DNM1: variants seen among roughly 807,000 people sequenced by gnomAD.
DNM1 encodes dynamin 1, also known as dynamin-1.
DNM1 carries 29 observed loss-of-function variants against 104.6 expected under a neutral mutation model. The ratio of observed to expected loss-of-function variants is 0.28; its 90% CI spans 0.21 to 0.38. The LOEUF (loss-of-function observed/expected upper bound fraction) is 0.38, where lower values mean the gene tolerates loss of function less well. Ranked by LOEUF, DNM1 falls within the 10% of genes least tolerant of loss-of-function variation. The pLI, the probability that DNM1 is intolerant of heterozygous loss-of-function variation, is 1.00. For synonymous variants in DNM1, 445 were observed against 475.8 expected (o/e 0.94, Z 0.84); for missense variants, 640 against 1,189.4 (o/e 0.54, Z 6.79).
Position 128,253,829 on chromosome 9 carries a change from C to A in DNM1, c.2535-825C>A. On this transcript the variant is annotated intron_variant, in intron 21 of 21. Transcript: ENST00000372923. The surrounding 1 kb of genome is among the most constrained non-coding windows in gnomAD (Gnocchi z 5.9). Reference sequence around the variant, plus strand: ...TGTGACTGAAGGCAGTGTCCCTGGCCCCAGCTGAAGCACCGTAGCCAGCCA... The same window carrying A: ...TGTGACTGAAGGCAGTGTCCCTGGCACCAGCTGAAGCACCGTAGCCAGCCA... 1.1e-6 allele frequency: 1 copy of A among 942,772 alleles called. No individual in the cohort carries two copies. The highest frequency in any genetic ancestry group is 1.4e-6 in the Non-Finnish European group (1 of 726,128). 58.4% of individuals were successfully genotyped at this position (942,772 alleles called of 1,614,324 possible).
In DNM1 at chr9:128,253,826, G is replaced by A. The variant is rs1193909239; in HGVS notation, c.2535-828G>A. ...TAGTGTGACTGAAGGCAGTGTCCCTGGCCCCAGCTGAAGCACCGTAGCCAG... is the reference window on the plus strand; with the variant it reads ...TAGTGTGACTGAAGGCAGTGTCCCTAGCCCCAGCTGAAGCACCGTAGCCAG... On this transcript the variant is annotated intron_variant, in intron 21 of 21. Coordinates refer to ENST00000372923, the MANE Select transcript of DNM1 (RefSeq NM_004408.4). The surrounding 1 kb of genome is among the most constrained non-coding windows in gnomAD (Gnocchi z 5.9). 6 of 882,324 alleles carry A rather than the reference G, an allele frequency of 6.8e-6. No homozygotes were observed. In the East Asian group the frequency reaches 2.0e-4, roughly 30 times the overall value. The allele number at this position is 882,324 out of a possible 1,614,324, so 54.7% of individuals were successfully genotyped here.
At position 128,218,993 on chromosome 9, in the gene DNM1, C is replaced by A; in HGVS notation, c.386-56C>A. ...TCTCTAACCCCGCCCTATTCTTTAA[C>A]CTCGCCCGCGGCCACGCCCCTCGCC... is the stretch of plus-strand genomic sequence containing the variant. On this transcript the variant is annotated intron_variant, in intron 3 of 21. Transcript: ENST00000372923. This position sits in a 1 kb window ranked among gnomAD's most constrained non-coding sequence, Gnocchi z 4.8. The A allele has an allele frequency of 6.3e-7, 1 of 1,593,704 alleles. No homozygotes were observed. Among genetic ancestry groups the A allele is most frequent in the Non-Finnish European group, 8.6e-7 (1 of 1,166,372 alleles).
intron 1 of DNM1, among the ~76,000 whole-genome samples, chr9:128,210,583 G>A (rs894592830): frequency 4.6e-5 from 7 of 152,050 alleles, no homozygotes; most frequent in East Asian, 1.9e-4. Context: ...GGCTGGTCTC[G>A]AATTCCTGAC....
Position 128,245,878 on chromosome 9 carries a change from C to CA in DNM1, c.1672-515dup, listed in dbSNP as rs1836770821. On this transcript the variant is annotated intron_variant, in intron 15 of 21. Coordinates refer to ENST00000372923, the MANE Select transcript of DNM1 (RefSeq NM_004408.4). The surrounding 1 kb of genome is among the most constrained non-coding windows in gnomAD (Gnocchi z 5.2). ...ATGTGTTGGCACAAACACACAACTA[C>CA]ACACATGTTGCACACACAGGCACAC... 6.6e-6 allele frequency among the ~76,000 whole-genome samples: 1 copy of CA among 152,242 alleles called. No individual in the cohort carries two copies. The highest frequency in any genetic ancestry group is 6.5e-5 in the Admixed American group (1 of 15,288).
chr9:128,217,816 C>A (rs535232587), intron 1 of DNM1, among the ~76,000 whole-genome samples: 28 of 152,278 alleles, frequency 1.8e-4, no homozygotes, highest in African/African-American at 6.7e-4. Flanking sequence ...TGCCCCACAG[C>A]GGAAGGGAGG....
chr9:128,220,563 G>T lies in DNM1; in HGVS notation c.849+222G>T, dbSNP rs1834878828. Among the ~76,000 whole-genome samples the T allele has an allele frequency of 6.6e-6, 1 of 152,164 alleles. No homozygotes were observed. Among genetic ancestry groups the T allele is most frequent in the South Asian group, 2.1e-4 (1 of 4,828 alleles). ...GGGACCTGCCAGGGAAGCCCTGGAA[G>T]TCCCCAACACAGAGAAGGCCAAGAC... is the stretch of plus-strand genomic sequence containing the variant. On this transcript the variant is annotated intron_variant, in intron 6 of 21. Coordinates refer to ENST00000372923, the MANE Select transcript of DNM1 (RefSeq NM_004408.4). This position sits in a 1 kb window ranked among gnomAD's most constrained non-coding sequence, Gnocchi z 5.2.
chr9:128,244,142 A>AG (rs33959475), intron 15 of DNM1, among the ~76,000 whole-genome samples: 1 of 147,046 alleles, frequency 6.8e-6, no homozygotes, highest in African/African-American at 2.5e-5. Context: ...GTGTGTGGGG[A>AG]GGGGGCTCTA....
At chr9:128,229,204 C>T (rs1440302429) in intron 10 of DNM1, among the ~76,000 whole-genome samples, 4 of 151,796 alleles carry the variant, frequency 2.6e-5, no homozygotes, top group Non-Finnish European at 4.4e-5. Flanking sequence ...CCAGCCTGGG[C>T]AACATAGCAA....
intron 10 of DNM1, chr9:128,225,928 G>T: frequency 1.1e-6 from 1 of 942,642 alleles, no homozygotes; most frequent in African/African-American, 1.6e-5. Context: ...CCGTGCCCGT[G>T]CCATCCTCTC....
intron 1 of DNM1, among the ~76,000 whole-genome samples, chr9:128,210,397 G>A (rs900199583): frequency 4.5e-5 from 6 of 133,662 alleles, no homozygotes; most frequent in African/African-American, 1.1e-4. Flanking sequence ...GGTCTTGCTC[G>A]GTCACCCAGG....
chr9:128,207,923 C>T (rs1187172199), intron 1 of DNM1, among the ~76,000 whole-genome samples: 4 of 151,940 alleles, frequency 2.6e-5, no homozygotes, highest in Non-Finnish European at 5.9e-5. Context: ...TCCTGAGGAG[C>T]GACCCTCTGC....
At chr9:128,205,680 CCA>C (rs1833905018) in intron 1 of DNM1, among the ~76,000 whole-genome samples, 1 of 152,204 alleles carries the variant, frequency 6.6e-6, no homozygotes, top group Non-Finnish European at 1.5e-5. Context: ...ACTGTGGGCT[CCA>C]CCGAGTTCAT....
In DNM1 at chr9:128,218,104, G is replaced by A. The variant is rs1020040151; in HGVS notation, c.162-127G>A. 2.0e-5 allele frequency: 17 copies of A among 867,854 alleles called. 1 individual carries two copies. The highest frequency in any genetic ancestry group is 1.5e-4 in the South Asian group (11 of 74,378). 53.8% of individuals were successfully genotyped at this position (867,854 alleles called of 1,614,324 possible). A position where few individuals can be genotyped will look rare whatever the true frequency, so the allele number is the denominator to read the frequency against. ...TGCTCTTAGTTACCTGAAGCCCCTG[G>A]GCTAAGGAGCGGTGGAGCCAGCACT... On this transcript the variant is annotated intron_variant, in intron 1 of 21. Coordinates refer to ENST00000372923, the MANE Select transcript of DNM1 (RefSeq NM_004408.4). The surrounding 1 kb of genome is among the most constrained non-coding windows in gnomAD (Gnocchi z 4.8).
chr9:128,253,312 T>G lies in DNM1; in HGVS notation c.2535-1342T>G. 5.2e-5 allele frequency: 32 copies of G among 620,088 alleles called. No homozygotes were observed. Among genetic ancestry groups the G allele is most frequent in the Non-Finnish European group, 6.3e-5 (22 of 350,464 alleles). 38.4% of individuals were successfully genotyped at this position (620,088 alleles called of 1,614,324 possible). On this transcript the variant is annotated intron_variant, in intron 21 of 21. Transcript: ENST00000372923. This position sits in a 1 kb window ranked among gnomAD's most constrained non-coding sequence, Gnocchi z 5.9. The stretch of plus-strand genomic sequence containing the variant: ...TGTGCCGCTGGCTCTCTCACCTCCC[T>G]TCCCTGCGAGCCTCGGGACTCAGTG...
intron 20 of DNM1, 41 bp downstream of exon 20, chr9:128,250,397 C>T (rs780207050): frequency 1.3e-5 from 20 of 1,520,106 alleles, no homozygotes; most frequent in Middle Eastern, 4.4e-4. Flanking sequence ...CCCCCCAGCC[C>T]GGGGCCCGCG....
Position 128,222,290 on chromosome 9 carries a change from A to G in DNM1, c.943A>G (p.Lys315Glu), listed in dbSNP as rs1271395961. ...CATTGAGAAGGAGGTGGAGGAATAC[A>G]AGAACTTCCGCCCTGATGACCCAGC... ...LSIEKEVEEY[K>E]NFRPDDPARK... is the part of the protein sequence containing the mutation. The change falls in exon 7 of 22, where the codon AAG becomes GAG. Residue 315 changes from lysine to glutamate, a missense_variant. Coordinates refer to ENST00000372923, the MANE Select transcript of DNM1 (RefSeq NM_004408.4). This position sits in a 1 kb window ranked among gnomAD's most constrained non-coding sequence, Gnocchi z 7.8. 1 of 1,614,144 alleles carries G rather than the reference A, an allele frequency of 6.2e-7. No individual in the cohort carries two copies.
chr9:128,220,108 A>G lies in DNM1; in HGVS notation c.688+22A>G, dbSNP rs1834853687. On this transcript the variant is annotated intron_variant, in intron 5 of 21. Transcript: ENST00000372923. This position sits in a 1 kb window ranked among gnomAD's most constrained non-coding sequence, Gnocchi z 5.2. ...AGAGGTAAGCAGGCCATGCCCCTCA[A>G]CCACTCCCCAGCCCTTCCCCACCCT... 6.2e-7 allele frequency: 1 copy of G among 1,612,674 alleles called. No individual in the cohort carries two copies. Among genetic ancestry groups the G allele is most frequent in the African/African-American group, 1.3e-5 (1 of 74,902 alleles).
chr9:128,208,888 C>A (rs1244247138), intron 1 of DNM1, among the ~76,000 whole-genome samples: 1 of 152,174 alleles, frequency 6.6e-6, no homozygotes, highest in Non-Finnish European at 1.5e-5. Context: ...CGTGGTCAAG[C>A]CAAGGTGTGG....
chr9:128,209,317 C>T (rs541229773), intron 1 of DNM1, among the ~76,000 whole-genome samples: 6 of 152,224 alleles, frequency 3.9e-5, no homozygotes, highest in Admixed American at 1.3e-4. Flanking sequence ...CATCTGATCT[C>T]GGCGCCAGGA....
Sources: allele counts gnomAD v4.1 joint callset (sites outside exome capture counted in the v4.1 genomes callset), GRCh38; gene constraint gnomAD v4.1.1; non-coding constraint Gnocchi (gnomAD v3.1); transcripts MANE v1.5; gene names NCBI Gene and HGNC (gene_info 2026-07-23, HGNC 2026-07-21).